SH3GL3: variants seen among roughly 807,000 people sequenced by gnomAD.
SH3GL3 encodes the protein endophilin-A3.
Under a neutral mutation model 47.7 loss-of-function variants are expected in SH3GL3, and 33 were observed. The ratio of observed to expected loss-of-function variants is 0.69; its 90% confidence interval spans 0.52 to 0.92. The LOEUF (loss-of-function observed/expected upper bound fraction) is 0.92, where lower values mean the gene tolerates loss of function less well. SH3GL3 is among the 40% of genes least tolerant of loss of function. SH3GL3 has a pLI of 0.00. For missense variants in SH3GL3, 363 were observed against 417.8 expected (o/e 0.87, Z 1.14); for synonymous variants, 155 against 148.8 (o/e 1.04, Z -0.30).
chr15:83,503,830 G>A (rs984833226), intron 1 of SH3GL3, among the ~76,000 whole-genome samples: 4 of 152,182 alleles, frequency 2.6e-5, no homozygotes, highest in Admixed American at 6.5e-5. Flanking sequence ...GTTATGCATC[G>A]CCAAGTTATG....
chr15:83,556,925 T>G (rs904419822), intron 1 of SH3GL3, among the ~76,000 whole-genome samples: 8 of 152,154 alleles, frequency 5.3e-5, no homozygotes, highest in African/African-American at 1.9e-4. Context: ...ATCCACGTGG[T>G]CTTTCATTCT....
chr15:83,570,514 T>TA (rs1214490310), intron 4 of SH3GL3, among the ~76,000 whole-genome samples: 1 of 152,144 alleles, frequency 6.6e-6, no homozygotes, highest in African/African-American at 2.4e-5. Context: ...CCCTTTTATT[T>TA]AAAAAAGTCA....
downstream of SH3GL3, among the ~76,000 whole-genome samples, chr15:83,621,679 G>A (rs1050441662): frequency 2.0e-5 from 3 of 152,180 alleles, no homozygotes; most frequent in South Asian, 4.1e-4. Context: ...AACGGTTACC[G>A]CAAACCTTCG....
intron 1 of SH3GL3, among the ~76,000 whole-genome samples, chr15:83,525,922 T>C (rs992215386): frequency 2.0e-5 from 3 of 152,224 alleles, no homozygotes; most frequent in African/African-American, 7.2e-5. Flanking sequence ...TTGATTACTA[T>C]AGTTCTGTAA....
At chr15:83,614,937 G>A (rs145189207) in intron 8 of SH3GL3, among the ~76,000 whole-genome samples, 8 of 152,214 alleles carry the variant, frequency 5.3e-5, no homozygotes, top group East Asian at 3.9e-4. Flanking sequence ...ATACCCCAAC[G>A]TACCTATTCT....
chr15:83,528,681 G>T (rs2043530093), intron 1 of SH3GL3, among the ~76,000 whole-genome samples: 1 of 151,972 alleles, frequency 6.6e-6, no homozygotes, highest in South Asian at 2.1e-4. Context: ...TCTCTTTAGT[G>T]AATTTCTCAT....
intron 6 of SH3GL3, among the ~76,000 whole-genome samples, chr15:83,579,725 C>T (rs1278467733): frequency 2.0e-5 from 3 of 152,318 alleles, no homozygotes; most frequent in African/African-American, 2.4e-5. Context: ...TTTACCTTTT[C>T]TCCTACCCAG....
intron 2 of SH3GL3, among the ~76,000 whole-genome samples, chr15:83,562,679 C>G (rs1366596449): frequency 6.6e-6 from 1 of 152,030 alleles, no homozygotes; most frequent in Non-Finnish European, 1.5e-5. Context: ...TATTTACCAC[C>G]AGTTATATAA....
At chr15:83,548,217 G>A (rs1370529148) in intron 1 of SH3GL3, among the ~76,000 whole-genome samples, 2 of 151,542 alleles carry the variant, frequency 1.3e-5, no homozygotes, top group East Asian at 1.9e-4. Context: ...AACCTCACAA[G>A]ACATTACTTT....
chr15:83,584,957 A>G (rs761303381), intron 6 of SH3GL3, among the ~76,000 whole-genome samples: 2 of 152,166 alleles, frequency 1.3e-5, no homozygotes, highest in Non-Finnish European at 2.9e-5. Context: ...CTGCCTGTCT[A>G]GGTATTTATT....
At chr15:83,616,345 C>T (rs936343508) in intron 8 of SH3GL3, among the ~76,000 whole-genome samples, 4 of 149,118 alleles carry the variant, frequency 2.7e-5, no homozygotes, top group Non-Finnish European at 4.4e-5. Context: ...CTCCGCCTTC[C>T]GGGTTCACGC....
chr15:83,571,727 A>G (rs1011939673), intron 4 of SH3GL3, among the ~76,000 whole-genome samples: 3 of 152,142 alleles, frequency 2.0e-5, no homozygotes, highest in Non-Finnish European at 4.4e-5. Flanking sequence ...GAAATGGAGC[A>G]ACCCAATCTC....
At position 83,588,667 on chromosome 15, in the gene SH3GL3, C is replaced by T; in HGVS notation, c.734C>T (p.Ser245Leu). ...ELQSKLQMRISAASSVPRREY... is the reference protein window; with the variant it reads ...ELQSKLQMRILAASSVPRREY... Reference sequence around the variant, plus strand: ...TCTTACGATGTGTGTTACAGAATATCAGCTGCATCCAGTGTCCCCAGACGA... The same window carrying T: ...TCTTACGATGTGTGTTACAGAATATTAGCTGCATCCAGTGTCCCCAGACGA... The change falls in exon 8 of 9, where the codon TCA becomes TTA. Residue 245 changes from serine to leucine, a missense_variant. Coordinates refer to ENST00000427482, the MANE Select transcript of SH3GL3 (RefSeq NM_003027.5). 6.3e-7 allele frequency: 1 copy of T among 1,594,038 alleles called. No individual in the cohort carries two copies. Among genetic ancestry groups the T allele is most frequent in the Non-Finnish European group, 8.6e-7 (1 of 1,161,770 alleles).
At chr15:83,543,135 G>A (rs913694957) in intron 1 of SH3GL3, among the ~76,000 whole-genome samples, 2 of 151,840 alleles carry the variant, frequency 1.3e-5, no homozygotes, top group South Asian at 2.1e-4. Flanking sequence ...GGCTTTTATT[G>A]TATGGAGATA....
intron 1 of SH3GL3, among the ~76,000 whole-genome samples, chr15:83,486,889 CAGAG>C (rs113903621): frequency 6.7e-6 from 1 of 149,660 alleles, no homozygotes; most frequent in Non-Finnish European, 1.5e-5. Flanking sequence ...CTTCACATGG[CAGAG>C]AGAGAGAGAG....
At chr15:83,536,438 C>G (rs565313350) in intron 1 of SH3GL3, among the ~76,000 whole-genome samples, 81 of 128,754 alleles carry the variant, frequency 6.3e-4, no homozygotes, top group African/African-American at 2.3e-3. Context: ...GAGTCTTACT[C>G]TGTTGCCCAG....
At chr15:83,479,596 G>A (rs2041251896) in intron 1 of SH3GL3, among the ~76,000 whole-genome samples, 2 of 152,220 alleles carry the variant, frequency 1.3e-5, no homozygotes, top group Admixed American at 6.5e-5. Context: ...ATCATTGGCT[G>A]AGGACTGTTT....
chr15:83,594,246 G>A (rs1425283782), intron 8 of SH3GL3, among the ~76,000 whole-genome samples: 1 of 152,090 alleles, frequency 6.6e-6, no homozygotes, highest in African/African-American at 2.4e-5. Context: ...TGAGATGATC[G>A]TTTATTTTTT....
chr15:83,623,301 G>A (rs2060920045), downstream of SH3GL3, among the ~76,000 whole-genome samples: 1 of 152,200 alleles, frequency 6.6e-6, no homozygotes, highest in Non-Finnish European at 1.5e-5. Context: ...CAGCTCACAA[G>A]TCTGCAAGTT....
Sources: gnomAD v4.1 joint callset for allele counts (sites outside exome capture counted in the v4.1 genomes callset) on GRCh38, gnomAD v4.1.1 for gene constraint, MANE v1.5 for transcripts, NCBI Gene and HGNC (gene_info 2026-07-23, HGNC 2026-07-21) for gene names.